Variants in GFOD2 observed in about 807,000 individuals in gnomAD.
GFOD2 encodes glucose-fructose oxidoreductase domain-containing protein 2.
Under a neutral mutation model 24.6 loss-of-function variants are expected in GFOD2, and 9 were observed. The observed-to-expected ratio is 0.37, with a 90% CI of 0.22 to 0.64. The LOEUF (loss-of-function observed/expected upper bound fraction) is 0.64, where lower values mean the gene tolerates loss of function less well. GFOD2 is among the 30% of genes least tolerant of loss of function. The pLI, the probability that GFOD2 is intolerant of heterozygous loss-of-function variation, is 0.65. For synonymous variants in GFOD2, 211 were observed against 224.8 expected (o/e 0.94, Z 0.55); for missense variants, 476 against 532.5 (o/e 0.89, Z 1.04).
intron 1 of GFOD2, among the ~76,000 whole-genome samples, chr16:67,710,738 C>T (rs1183514559): frequency 6.6e-6 from 1 of 152,150 alleles, no homozygotes; most frequent in African/African-American, 2.4e-5. Context: ...AGGTTTCACA[C>T]TCTGAGGCTC....
At chr16:67,690,051 T>C (rs1393582789) in intron 1 of GFOD2, among the ~76,000 whole-genome samples, 2 of 152,202 alleles carry the variant, frequency 1.3e-5, no homozygotes, top group Non-Finnish European at 2.9e-5. Flanking sequence ...TAATATGCCA[T>C]TGTATGGCTG....
At chr16:67,694,139 C>T (rs563925463) in intron 1 of GFOD2, among the ~76,000 whole-genome samples, 3 of 152,052 alleles carry the variant, frequency 2.0e-5, no homozygotes, top group African/African-American at 4.8e-5. Context: ...GGATTACAGG[C>T]ACACGCCATC....
intron 1 of GFOD2, among the ~76,000 whole-genome samples, chr16:67,706,913 GC>G: frequency 6.6e-6 from 1 of 152,054 alleles, no homozygotes; most frequent in East Asian, 1.9e-4. Flanking sequence ...AAAAAAATTA[GC>G]CAGGTATGGT....
In GFOD2 at chr16:67,675,195, T is replaced by C. The variant is rs190910234; in HGVS notation, c.1118A>G (p.Asn373Ser). 1.9e-5 allele frequency: 30 copies of C among 1,613,952 alleles called. No homozygotes were observed. Among genetic ancestry groups the C allele is most frequent in the Admixed American group, 1.0e-4 (6 of 60,022 alleles). ...VEVLTEEPDT[N>S]QNLCEALQRN... ...CTGAAGTGCCTCACACAGGTTCTGG[T>C]TGGTGTCGGGCTCCTCCGTCAGCAC... is the stretch of plus-strand genomic sequence containing the variant. Residue 373 changes from asparagine to serine, a missense_variant, in exon 3 of 3, where the codon AAC (asparagine) becomes AGC (serine). Physicochemically the swap from Asn to Ser is conservative, Grantham distance 46 (BLOSUM62 1). Transcript: ENST00000268797.
chr16:67,700,910 G>A (rs1177631532), intron 1 of GFOD2, among the ~76,000 whole-genome samples: 5 of 150,422 alleles, frequency 3.3e-5, no homozygotes, highest in Admixed American at 6.7e-5. Flanking sequence ...GGTGGTGCAC[G>A]CCTGTAATCC....
intron 1 of GFOD2, among the ~76,000 whole-genome samples, chr16:67,703,232 C>T (rs2053416276): frequency 6.6e-6 from 1 of 151,938 alleles, no homozygotes; most frequent in African/African-American, 2.4e-5. Context: ...GGTGAAACCC[C>T]ATCTCTACTA....
At chr16:67,704,720 C>T (rs908446995) in intron 1 of GFOD2, among the ~76,000 whole-genome samples, 1 of 152,200 alleles carries the variant, frequency 6.6e-6, no homozygotes, top group Admixed American at 6.5e-5. Flanking sequence ...TGTGTATAGG[C>T]ACCTGACGCA....
chr16:67,678,670 C>G (rs1023216258), intron 2 of GFOD2, among the ~76,000 whole-genome samples: 1 of 151,988 alleles, frequency 6.6e-6, no homozygotes, highest in African/African-American at 2.4e-5. Context: ...TTCTAAACTT[C>G]CCTGGGTTTT....
intron 1 of GFOD2, among the ~76,000 whole-genome samples, chr16:67,716,688 T>C (rs566708406): frequency 1.6e-4 from 25 of 152,310 alleles, no homozygotes; most frequent in Admixed American, 1.6e-3. Context: ...CAGAACACAA[T>C]GATTTTCATG....
At chr16:67,711,891 T>C (rs2053476513) in intron 1 of GFOD2, among the ~76,000 whole-genome samples, 2 of 152,132 alleles carry the variant, frequency 1.3e-5, no homozygotes, top group African/African-American at 4.8e-5. Context: ...TCCACGTGGC[T>C]TTCTCTCTCT....
chr16:67,684,710 A>C, intron 2 of GFOD2: 1 of 965,550 alleles, frequency 1.0e-6, no homozygotes, highest in Non-Finnish European at 1.2e-6. Flanking sequence ...ATAAAATAAA[A>C]ATTGCTGGCT....
At chr16:67,683,910 T>C (rs1304231758) in intron 2 of GFOD2, 2 of 1,113,664 alleles carry the variant, frequency 1.8e-6, no homozygotes, top group African/African-American at 3.3e-5. Flanking sequence ...AAGTATGTGC[T>C]AGTTGAATTG....
intron 1 of GFOD2, among the ~76,000 whole-genome samples, chr16:67,716,582 G>A (rs1346080517): frequency 2.0e-5 from 3 of 152,132 alleles, no homozygotes; most frequent in African/African-American, 7.2e-5. Flanking sequence ...AGTTCCACAG[G>A]TGGCAACTGC....
At chr16:67,699,210 T>C (rs9929423) in intron 1 of GFOD2, among the ~76,000 whole-genome samples, 21,242 of 151,676 alleles carry the variant, frequency 0.14, 2,988 homozygotes, top group African/African-American at 0.37. Context: ...GACGTGATGG[T>C]GGGTACCTGT....
intron 2 of GFOD2, among the ~76,000 whole-genome samples, chr16:67,679,401 G>T (rs1408720063): frequency 6.6e-6 from 1 of 151,450 alleles, no homozygotes; most frequent in Non-Finnish European, 1.5e-5. Flanking sequence ...GCCCAGCTAA[G>T]TTTTTTGTAT....
At chr16:67,698,140 G>A (rs1440752033) in intron 1 of GFOD2, among the ~76,000 whole-genome samples, 1 of 152,170 alleles carries the variant, frequency 6.6e-6, no homozygotes, top group Non-Finnish European at 1.5e-5. Flanking sequence ...AGGCCAAGGT[G>A]TTTATTTTTT....
At chr16:67,704,713 G>C (rs1329397266) in intron 1 of GFOD2, among the ~76,000 whole-genome samples, 2 of 152,238 alleles carry the variant, frequency 1.3e-5, no homozygotes, top group Admixed American at 1.3e-4. Flanking sequence ...AACCAGATGT[G>C]TATAGGCACC....
chr16:67,681,647 C>T (rs931344829), intron 2 of GFOD2: 10 of 824,066 alleles, frequency 1.2e-5, no homozygotes, highest in East Asian at 1.2e-4. Context: ...TGAGTTCAAG[C>T]GATCTGCCCA....
intron 1 of GFOD2, among the ~76,000 whole-genome samples, chr16:67,710,098 C>T (rs1242817240): frequency 6.6e-6 from 1 of 151,692 alleles, no homozygotes; most frequent in Non-Finnish European, 1.5e-5. Flanking sequence ...CTGTGAGCCA[C>T]GACACCCAGC....
Sources: allele counts gnomAD v4.1 joint callset (sites outside exome capture counted in the v4.1 genomes callset), GRCh38; gene constraint gnomAD v4.1.1; transcripts MANE v1.5; gene names NCBI Gene and HGNC (gene_info 2026-07-23, HGNC 2026-07-21).